The following C2CD2 variants were observed in gnomAD, a reference collection of about 807,000 sequenced individuals.
C2CD2 encodes the protein C2 calcium dependent domain containing 2.
A neutral mutation model predicts 74.3 loss-of-function variants in C2CD2; 43 were observed. The observed-to-expected ratio is 0.58, with a 90% CI of 0.45 to 0.75. C2CD2 has a LOEUF of 0.75. C2CD2 is among the 30% of genes least tolerant of loss of function. The pLI is 0.00. For missense variants in C2CD2, 801 were observed against 916.3 expected (o/e 0.87, Z 1.63); for synonymous variants, 422 against 390.7 (o/e 1.08, Z -0.94).
At position 41,894,759 on chromosome 21, in the gene C2CD2, G is replaced by C. The variant is rs141706882; in HGVS notation, c.1870+4294C>G. 8.1e-4 allele frequency: 368 copies of C among 456,730 alleles called. 4 individuals carry two copies. In the East Asian group the frequency reaches 0.022, roughly 27 times the overall value. The allele number at this position is 456,730 out of a possible 1,614,324, so 28.3% of individuals were successfully genotyped here. A position where few individuals can be genotyped will look rare whatever the true frequency, so the allele number is the denominator to read the frequency against. ...CAATAGCAATGGGAAAGCCTGTTTC[G>C]ACTTGGAAGCAGATTGTTCACTATC... On this transcript the variant is annotated intron_variant, in intron 13 of 13. Coordinates refer to ENST00000380486, the MANE Select transcript of C2CD2 (RefSeq NM_015500.2).
chr21:41,908,807 A>T (rs2064994792), intron 8 of C2CD2: 1 of 152,196 alleles, frequency 6.6e-6, no homozygotes, highest in Non-Finnish European at 1.5e-5. Flanking sequence ...AAAACCTAAC[A>T]AATATTGAAA....
In C2CD2 at chr21:41,939,766, G is replaced by GAGCTC. The variant is rs1208071350; in HGVS notation, c.378+2376_378+2380dup. On this transcript the variant is annotated intron_variant, in intron 2 of 13. Transcript: ENST00000380486. This position sits in a 1 kb window ranked among gnomAD's most constrained non-coding sequence, Gnocchi z 5.5. ...GACTGACGAGGGTATGCAGGAAGGA[G>GAGCTC]AGCTCTCCTATGCTGCTGGGGCAGA... 1.3e-4 allele frequency among the ~76,000 whole-genome samples: 20 copies of GAGCTC among 152,342 alleles called. No homozygotes were observed. Among genetic ancestry groups the GAGCTC allele is most frequent in the Admixed American group, 8.5e-4 (13 of 15,306 alleles).
At chr21:41,907,243 T>C (rs1569063270) in intron 9 of C2CD2, 77 bp from the exon 10 acceptor site, 1 of 1,113,824 alleles carries the variant, frequency 9.0e-7, no homozygotes, top group Non-Finnish European at 1.4e-6. Flanking sequence ...CACTGCCTTC[T>C]TGTGAAATAA....
intron 3 of C2CD2, among the ~76,000 whole-genome samples, chr21:41,920,403 A>G (rs758438700): frequency 5.2e-4 from 80 of 152,390 alleles, no homozygotes; most frequent in Middle Eastern, 3.4e-3. Context: ...ACAAAAGGGA[A>G]GAACGACTTC....
chr21:41,915,530 G>A (rs2065079863), intron 5 of C2CD2, among the ~76,000 whole-genome samples: 1 of 151,928 alleles, frequency 6.6e-6, no homozygotes, highest in Non-Finnish European at 1.5e-5. Flanking sequence ...TCTGCCTCCT[G>A]GGTGCAAGCG....
chr21:41,907,003 G>A lies in C2CD2; in HGVS notation c.1307C>T (p.Pro436Leu), dbSNP rs753460957. The change falls in exon 10 of 14, where the codon CCG becomes CTG. Residue 436 changes from proline (P) to leucine (L), a missense_variant. Transcript: ENST00000380486. ...TCCTGTTGTCTCACCAGAGCTCAGCGGGGACGCCCTCCCCACGTCGACGCG... is the reference window on the plus strand; with the variant it reads ...TCCTGTTGTCTCACCAGAGCTCAGCAGGGACGCCCTCCCCACGTCGACGCG... ...KPRVDVGRAS[P>L]LSSDSPVKTP... 6.9e-5 allele frequency: 111 copies of A among 1,613,562 alleles called. 1 individual carries two copies. The highest frequency in any genetic ancestry group is 6.3e-4 in the South Asian group (57 of 91,056).
intron 7 of C2CD2, among the ~76,000 whole-genome samples, chr21:41,911,072 T>TA (rs939387173): frequency 8.7e-4 from 132 of 152,354 alleles, no homozygotes; most frequent in African/African-American, 3.1e-3. Context: ...TAGTGATTTT[T>TA]AAAATCTTAT....
chr21:41,916,693 A>ACC (rs952039113), intron 5 of C2CD2, among the ~76,000 whole-genome samples: 1 of 151,016 alleles, frequency 6.6e-6, no homozygotes, highest in African/African-American at 2.5e-5. Flanking sequence ...ACACACACAC[A>ACC]CACACACACA....
rs992677030 is a variant in C2CD2, at chr21:41,892,849, G to A, written c.1871-3505C>T. ...TGCATGTCGCTGCTCATGCTCCTTCGCACTTCACTCTGGGGGCCGGCAGAC... is the reference window on the plus strand; with the variant it reads ...TGCATGTCGCTGCTCATGCTCCTTCACACTTCACTCTGGGGGCCGGCAGAC... On this transcript the variant is annotated intron_variant, in intron 13 of 13. Transcript: ENST00000380486. The surrounding 1 kb of genome is among the most constrained non-coding windows in gnomAD (Gnocchi z 4.6). Among the ~76,000 whole-genome samples the A allele has an allele frequency of 6.6e-5, 10 of 152,250 alleles. No homozygotes were observed. The highest frequency in any genetic ancestry group is 1.9e-4 in the African/African-American group (8 of 41,468).
At chr21:41,952,128 A>G (rs2065455156) in intron 1 of C2CD2, among the ~76,000 whole-genome samples, 1 of 152,238 alleles carries the variant, frequency 6.6e-6, no homozygotes, top group Non-Finnish European at 1.5e-5. Context: ...GACACTCTCC[A>G]GCTCTGGACA....
intron 7 of C2CD2, among the ~76,000 whole-genome samples, chr21:41,911,005 T>C (rs56000383): frequency 0.73 from 110,632 of 151,302 alleles, 41,219 homozygotes; most frequent in African/African-American, 0.87. Context: ...ACTTCTAGAA[T>C]AAAATAGGCA....
intron 13 of C2CD2, among the ~76,000 whole-genome samples, chr21:41,890,299 A>G (rs2064735738): frequency 6.6e-6 from 1 of 152,230 alleles, no homozygotes; most frequent in African/African-American, 2.4e-5. Context: ...CTGCTTACAG[A>G]TAGATACAGA....
Position 41,948,870 on chromosome 21 carries a change from C to G in C2CD2, c.279+4500G>C, listed in dbSNP as rs868302434. Among the ~76,000 whole-genome samples, 651 of 80,762 alleles carry G rather than the reference C, an allele frequency of 8.1e-3. 4 individuals carry two copies. The highest frequency in any genetic ancestry group is 0.027 in the African/African-American group (618 of 23,148). The allele number at this position is 80,762 out of a possible 152,430, so 53.0% of individuals were successfully genotyped here. On this transcript the variant is annotated intron_variant, in intron 1 of 13. Transcript: ENST00000380486. ...AATATGTTCCAAGTCCACACAGCAT[C>G]TTTTTTTTTTTTTTTTTTTTTTCTT...
intron 13 of C2CD2, among the ~76,000 whole-genome samples, chr21:41,897,808 C>A (rs1019915223): frequency 6.6e-6 from 1 of 152,186 alleles, no homozygotes; most frequent in Admixed American, 6.5e-5. Context: ...CAGCCCATGG[C>A]AGGCTGTGGG....
chr21:41,936,918 A>C (rs1327353117), intron 2 of C2CD2, among the ~76,000 whole-genome samples: 1 of 146,100 alleles, frequency 6.8e-6, no homozygotes, highest in African/African-American at 2.6e-5. Flanking sequence ...TCCTGGGTTC[A>C]AGCAATTCTC....
In C2CD2 at chr21:41,923,746, CAG is replaced by C. The variant is rs1222639853; in HGVS notation, c.379-1663_379-1662del. Among the ~76,000 whole-genome samples, 1 of 152,132 alleles carries C rather than the reference CAG, an allele frequency of 6.6e-6. No homozygotes were observed. The highest frequency in any genetic ancestry group is 1.5e-5 in the Non-Finnish European group (1 of 68,030). On this transcript the variant is annotated intron_variant, in intron 2 of 13. Transcript: ENST00000380486. The surrounding 1 kb of genome is among the most constrained non-coding windows in gnomAD (Gnocchi z 5.8). ...GGTGCTTTTCACAGCTACCATGGCA[CAG>C]AGAGAGATCTAGTTTCTGCCACAGA...
intron 2 of C2CD2, among the ~76,000 whole-genome samples, chr21:41,934,157 G>A (rs951382630): frequency 3.3e-5 from 5 of 152,154 alleles, no homozygotes; most frequent in East Asian, 1.9e-4. Context: ...ACCAGGTGAG[G>A]TGGCTCACAC....
intron 2 of C2CD2, among the ~76,000 whole-genome samples, chr21:41,938,827 C>T (rs191308222): frequency 1.3e-5 from 2 of 151,604 alleles, no homozygotes; most frequent in South Asian, 2.1e-4. Context: ...CTGCAACCTC[C>T]GCCTCCCAGG....
chr21:41,942,101 G>A (rs1037704321), intron 2 of C2CD2, 46 bp downstream of exon 2: 17 of 1,542,844 alleles, frequency 1.1e-5, no homozygotes, highest in Admixed American at 6.0e-5. Flanking sequence ...CCCGTCCCCG[G>A]CATCAAGTTC....
Sources: allele counts gnomAD v4.1 joint callset (sites outside exome capture counted in the v4.1 genomes callset), GRCh38; gene constraint gnomAD v4.1.1; non-coding constraint Gnocchi (gnomAD v3.1); transcripts MANE v1.5; gene names NCBI Gene and HGNC (gene_info 2026-07-23, HGNC 2026-07-21).